RASSF3: variants seen among roughly 807,000 people sequenced by gnomAD.
RASSF3 encodes Ras association domain family member 3.
A neutral mutation model predicts 19.9 loss-of-function variants in RASSF3; 19 were observed. That is an observed-to-expected ratio of 0.96 (90% CI 0.67 to 1.40). The LOEUF (loss-of-function observed/expected upper bound fraction) is 1.40. RASSF3 is among the 40% of genes most tolerant of loss of function. RASSF3 has a pLI of 0.00. For missense variants in RASSF3, 306 were observed against 289.8 expected (o/e 1.06, Z -0.41); for synonymous variants, 110 against 104.2 (o/e 1.06, Z -0.34).
chr12:64,595,951 A>G (rs1869993247), intron 2 of RASSF3, among the ~76,000 whole-genome samples: 1 of 152,144 alleles, frequency 6.6e-6, no homozygotes, highest in Admixed American at 6.6e-5. Context: ...TATTACCCAG[A>G]CTTTCCCTCC....
chr12:64,518,308 G>GA (rs1254478903), intron 1 of RASSF3, among the ~76,000 whole-genome samples: 2 of 152,056 alleles, frequency 1.3e-5, no homozygotes, highest in African/African-American at 4.8e-5. Flanking sequence ...GATTTTTAAA[G>GA]AAAAAAGAGC....
intron 2 of RASSF3, among the ~76,000 whole-genome samples, chr12:64,585,897 C>T (rs900820522): frequency 3.3e-5 from 5 of 152,158 alleles, no homozygotes; most frequent in African/African-American, 1.2e-4. Flanking sequence ...TGAGCCGGTG[C>T]ACCTGGCCAA....
chr12:64,543,916 C>T (rs1869002495), downstream of RASSF3, among the ~76,000 whole-genome samples: 1 of 151,976 alleles, frequency 6.6e-6, no homozygotes, highest in Non-Finnish European at 1.5e-5. Context: ...GTGTCTATCT[C>T]AGGGATTGTA....
At chr12:64,562,363 A>G (rs926861110) in intron 2 of RASSF3, among the ~76,000 whole-genome samples, 1 of 152,196 alleles carries the variant, frequency 6.6e-6, no homozygotes, top group Admixed American at 6.5e-5. Context: ...TATCTTGCAT[A>G]TATAAGCTCC....
rs1280935525 is a variant in RASSF3, at chr12:64,561,986, A to AGTAT, written c.294+20282_294+20285dup. ...GCATGAGCCACTGTGCATGGCCCAT[A>AGTAT]GTATTTATTTATTTATTTATTTATT... is the stretch of plus-strand genomic sequence containing the variant. On this transcript the variant is annotated intron_variant, in intron 2 of 5. Transcript: ENST00000637125. Among the ~76,000 whole-genome samples the AGTAT allele has an allele frequency of 4.5e-3, 424 of 93,934 alleles. 3 individuals carry two copies. The highest frequency in any genetic ancestry group is 0.011 in the African/African-American group (341 of 30,720). 61.6% of individuals were successfully genotyped at this position (93,934 alleles called of 152,430 possible).
intron 2 of RASSF3, among the ~76,000 whole-genome samples, chr12:64,559,243 T>C (rs1239461664): frequency 6.7e-6 from 1 of 149,722 alleles, no homozygotes; most frequent in South Asian, 2.1e-4. Flanking sequence ...TTCTTCTTTT[T>C]TTCTTTTTTT....
chr12:64,560,690 C>T (rs1384127081), intron 2 of RASSF3, among the ~76,000 whole-genome samples: 1 of 152,270 alleles, frequency 6.6e-6, no homozygotes, highest in Non-Finnish European at 1.5e-5. Context: ...TCTCAGACCA[C>T]TGCTGACATT....
At chr12:64,665,440 TA>T (rs1320491337) in intron 1 of RASSF3, among the ~76,000 whole-genome samples, 1 of 152,162 alleles carries the variant, frequency 6.6e-6, no homozygotes, top group East Asian at 1.9e-4. Flanking sequence ...ATTTTTAACT[TA>T]TTATTAAACA....
intron 2 of RASSF3, among the ~76,000 whole-genome samples, chr12:64,559,220 G>T (rs1342454762): frequency 6.6e-6 from 1 of 151,544 alleles, no homozygotes; most frequent in Non-Finnish European, 1.5e-5. Flanking sequence ...GGGTCCTGTG[G>T]GTCCATTTTC....
At chr12:64,682,844 C>T (rs576307174) in intron 1 of RASSF3, among the ~76,000 whole-genome samples, 1 of 152,336 alleles carries the variant, frequency 6.6e-6, no homozygotes, top group African/African-American at 2.4e-5. Flanking sequence ...CTTTATTTTG[C>T]AGGAGTAAAT....
chr12:64,688,614 C>T (rs1565872343), intron 3 of RASSF3, among the ~76,000 whole-genome samples, 161 bp downstream of exon 3: 1 of 152,060 alleles, frequency 6.6e-6, no homozygotes, highest in Non-Finnish European at 1.5e-5. Flanking sequence ...CTTAGTGCTT[C>T]CTGGCTGTCC....
At chr12:64,624,178 T>C (rs1175682537) in intron 1 of RASSF3, among the ~76,000 whole-genome samples, 2 of 151,846 alleles carry the variant, frequency 1.3e-5, no homozygotes, top group South Asian at 2.1e-4. Context: ...CTAGCACCGA[T>C]ATCAACAAAT....
At chr12:64,608,874 G>T (rs75944864), upstream of RASSF3, among the ~76,000 whole-genome samples, 2,789 of 152,328 alleles carry the variant, frequency 0.018, 87 homozygotes, top group African/African-American at 0.063. Context: ...TAAGCTGGGT[G>T]AAACTATATG....
At chr12:64,543,444 G>C (rs1478325815), downstream of RASSF3, among the ~76,000 whole-genome samples, 61 of 2,626 alleles carry the variant, frequency 0.023, no homozygotes, top group African/African-American at 0.074. Context: ...CCCCCCCCGT[G>C]CCCGCCCGCC....
At chr12:64,545,877 C>T (rs772394159), downstream of RASSF3, among the ~76,000 whole-genome samples, 5 of 151,720 alleles carry the variant, frequency 3.3e-5, no homozygotes, top group Admixed American at 6.6e-5. Context: ...GACCCTGCCT[C>T]GAAGAAAAAA....
intron 1 of RASSF3, among the ~76,000 whole-genome samples, chr12:64,629,274 CG>C (rs1871093059): frequency 6.6e-6 from 1 of 151,150 alleles, no homozygotes; most frequent in Non-Finnish European, 1.5e-5. Flanking sequence ...GCTAATTTTT[CG>C]TATTTTTTTT....
At chr12:64,613,905 A>G (rs1870459712) in intron 1 of RASSF3, among the ~76,000 whole-genome samples, 1 of 152,022 alleles carries the variant, frequency 6.6e-6, no homozygotes, top group African/African-American at 2.4e-5. Context: ...CTGTGATCGC[A>G]CCACTGCACT....
At chr12:64,515,280 C>G (rs1330196582) in intron 1 of RASSF3, among the ~76,000 whole-genome samples, 1 of 152,160 alleles carries the variant, frequency 6.6e-6, no homozygotes, top group Non-Finnish European at 1.5e-5. Context: ...TGATCTCGAA[C>G]TCCTGACCTC....
intron 1 of RASSF3, among the ~76,000 whole-genome samples, chr12:64,522,929 A>G (rs947800113): frequency 1.3e-5 from 2 of 152,182 alleles, no homozygotes; most frequent in Admixed American, 6.5e-5. Flanking sequence ...ACCCTTTGGA[A>G]ATCCAGAAAA....
Sources: allele counts gnomAD v4.1 joint callset (sites outside exome capture counted in the v4.1 genomes callset), GRCh38; gene constraint gnomAD v4.1.1; transcripts MANE v1.5; gene names NCBI Gene and HGNC (gene_info 2026-07-23, HGNC 2026-07-21).